The following SV2C variants were observed in gnomAD, a reference collection of about 807,000 sequenced individuals.
SV2C encodes synaptic vesicle glycoprotein 2C.
Under a neutral mutation model 79.7 loss-of-function variants are expected in SV2C, and 49 were observed. The observed-to-expected ratio is 0.61, with a 90% CI of 0.49 to 0.78. The LOEUF is 0.78. Ranked by LOEUF, SV2C falls within the 30% of genes least tolerant of loss-of-function variation. The pLI, the probability that SV2C is intolerant of heterozygous loss-of-function variation, is 0.00. For missense variants in SV2C, 833 were observed against 912.9 expected (o/e 0.91, Z 1.13); for synonymous variants, 334 against 333.2 (o/e 1.00, Z -0.03).
chr5:76,176,550 A>T (rs934143487), intron 2 of SV2C, among the ~76,000 whole-genome samples: 1 of 152,140 alleles, frequency 6.6e-6, no homozygotes, highest in Non-Finnish European at 1.5e-5. Flanking sequence ...CTCTGCTTCA[A>T]TCCTGGTCCC....
chr5:75,934,443 C>T, the SV2C span, among the ~76,000 whole-genome samples: 1 of 151,754 alleles, frequency 6.6e-6, no homozygotes, highest in African/African-American at 2.4e-5. Flanking sequence ...CACACCACCA[C>T]AGCTGGTTAA....
the SV2C span, among the ~76,000 whole-genome samples, chr5:75,928,266 T>G: frequency 1.3e-5 from 2 of 152,338 alleles, no homozygotes; most frequent in Admixed American, 1.3e-4. Context: ...ATTAATTTTA[T>G]TTCATTTCAA....
intron 4 of SV2C, among the ~76,000 whole-genome samples, chr5:76,226,403 C>T (rs1229394205): frequency 6.6e-6 from 1 of 152,142 alleles, no homozygotes; most frequent in Non-Finnish European, 1.5e-5. Flanking sequence ...GCAGCAGATT[C>T]CAGCCATACA....
the SV2C span, among the ~76,000 whole-genome samples, chr5:75,887,792 C>T: frequency 6.6e-6 from 1 of 152,192 alleles, no homozygotes; most frequent in African/African-American, 2.4e-5. Context: ...CAAGCAACAG[C>T]AAAAACAAGA....
the SV2C span, among the ~76,000 whole-genome samples, chr5:75,856,305 T>C: frequency 6.6e-6 from 1 of 152,200 alleles, no homozygotes; most frequent in Non-Finnish European, 1.5e-5. Flanking sequence ...TTTCAGTATA[T>C]ACCCAGAAGT....
At chr5:75,957,074 C>T in the SV2C span, among the ~76,000 whole-genome samples, 1 of 151,894 alleles carries the variant, frequency 6.6e-6, no homozygotes, top group Non-Finnish European at 1.5e-5. Flanking sequence ...TCCCTGAGTA[C>T]ATAATCAAGA....
chr5:75,973,646 T>C, the SV2C span, among the ~76,000 whole-genome samples: 1 of 152,216 alleles, frequency 6.6e-6, no homozygotes, highest in African/African-American at 2.4e-5. Flanking sequence ...TTCTGATGAT[T>C]AGGTTTATAT....
chr5:76,151,611 A>C (rs1296700769), intron 2 of SV2C, among the ~76,000 whole-genome samples: 1 of 152,194 alleles, frequency 6.6e-6, no homozygotes, highest in Non-Finnish European at 1.5e-5. Flanking sequence ...CTATGGGTGC[A>C]GGGAGGAGGG....
the SV2C span, among the ~76,000 whole-genome samples, chr5:75,933,706 G>T: frequency 6.6e-6 from 1 of 152,186 alleles, no homozygotes; most frequent in African/African-American, 2.4e-5. Context: ...CAGGCCAACT[G>T]CTGCCATGCC....
the SV2C span, among the ~76,000 whole-genome samples, chr5:75,852,157 C>G: frequency 4.6e-5 from 7 of 151,994 alleles, no homozygotes; most frequent in African/African-American, 1.7e-4. Context: ...CACACCAGGG[C>G]CTGTCAGGTG....
intron 12 of SV2C, among the ~76,000 whole-genome samples, chr5:76,350,895 T>A (rs1462255951): frequency 6.6e-6 from 1 of 151,766 alleles, no homozygotes; most frequent in Non-Finnish European, 1.5e-5. Flanking sequence ...ATGCTTGTAA[T>A]CCCAGCTACT....
At chr5:76,186,521 A>C (rs567810739) in intron 2 of SV2C, among the ~76,000 whole-genome samples, 2 of 152,214 alleles carry the variant, frequency 1.3e-5, no homozygotes, top group South Asian at 2.1e-4. Flanking sequence ...GTGAAACCCC[A>C]TCTCTACTAA....
At chr5:76,108,360 G>A (rs187727) in intron 1 of SV2C, among the ~76,000 whole-genome samples, 30,671 of 152,098 alleles carry the variant, frequency 0.2, 3,910 homozygotes, top group South Asian at 0.41. Flanking sequence ...CGTTCTCTAG[G>A]GATAAAAGAG....
chr5:75,854,922 G>C, the SV2C span, among the ~76,000 whole-genome samples: 1 of 152,046 alleles, frequency 6.6e-6, no homozygotes, highest in Non-Finnish European at 1.5e-5. Flanking sequence ...TTCTTCCCCA[G>C]CCCCCAGCTG....
At position 76,320,205 on chromosome 5, in the gene SV2C, A is replaced by G. The variant is rs192755309; in HGVS notation, c.2001-5159A>G. ...GAAGTCAGTCTTTAAAAAGCTACAT[A>G]CTGTGAGGTTTCAACTCTGTGACAT... On this transcript the variant is annotated intron_variant, in intron 12 of 12. Coordinates refer to ENST00000502798, the MANE Select transcript of SV2C (RefSeq NM_014979.4). Among the ~76,000 whole-genome samples the G allele has an allele frequency of 9.0e-4, 134 of 149,040 alleles. 1 individual carries two copies. In the Middle Eastern group the frequency reaches 0.01, roughly 12 times the overall value.
At chr5:75,853,758 G>A in the SV2C span, among the ~76,000 whole-genome samples, 1 of 151,372 alleles carries the variant, frequency 6.6e-6, no homozygotes, top group Non-Finnish European at 1.5e-5. Flanking sequence ...TATTATAGAA[G>A]TGTGTCAGCA....
intron 2 of SV2C, among the ~76,000 whole-genome samples, chr5:76,186,711 T>A (rs1481014330): frequency 2.7e-5 from 2 of 73,282 alleles, no homozygotes; most frequent in Non-Finnish European, 5.7e-5. Flanking sequence ...AACAAAGACA[T>A]TTAATTGACT....
intron 2 of SV2C, among the ~76,000 whole-genome samples, chr5:76,168,911 G>A (rs898866342): frequency 2.6e-5 from 4 of 152,260 alleles, no homozygotes; most frequent in East Asian, 1.9e-4. Flanking sequence ...TTCCTCCAGC[G>A]TGACATTTAT....
intron 12 of SV2C, among the ~76,000 whole-genome samples, chr5:76,316,589 G>A (rs1580066620): frequency 6.6e-6 from 1 of 152,130 alleles, no homozygotes; most frequent in African/African-American, 2.4e-5. Flanking sequence ...TTGGGAGTAG[G>A]AAATTTATTT....
Sources: allele counts gnomAD v4.1 joint callset (sites outside exome capture counted in the v4.1 genomes callset), GRCh38; gene constraint gnomAD v4.1.1; transcripts MANE v1.5; gene names NCBI Gene and HGNC (gene_info 2026-07-23, HGNC 2026-07-21).